The following CNTN5 variants were observed in gnomAD, a reference collection of about 807,000 sequenced individuals.
CNTN5 encodes contactin-5.
In CNTN5, 77 loss-of-function variants were observed where a neutral mutation model predicts 129.1. The observed-to-expected ratio is 0.60, with a 90% CI of 0.50 to 0.72. CNTN5 has a LOEUF of 0.72. Ranked by LOEUF, CNTN5 falls within the 30% of genes least tolerant of loss-of-function variation. CNTN5 has a pLI of 0.00. For missense variants in CNTN5, 1,478 were observed against 1,328.8 expected (o/e 1.11, Z -1.75); for synonymous variants, 509 against 465.6 (o/e 1.09, Z -1.20).
intron 1 of CNTN5, among the ~76,000 whole-genome samples, chr11:99,146,030 A>G (rs987584360): frequency 2.6e-5 from 4 of 152,136 alleles, no homozygotes; most frequent in African/African-American, 9.7e-5. Flanking sequence ...TACACAGTGT[A>G]AGTTTATTTT....
At chr11:99,905,857 T>A (rs958280422) in intron 6 of CNTN5, among the ~76,000 whole-genome samples, 17 of 152,260 alleles carry the variant, frequency 1.1e-4, no homozygotes, top group Admixed American at 5.2e-4. Flanking sequence ...GTCCTTCACA[T>A]CCCTTGTGAG....
chr11:99,432,045 G>A (rs1056312597), intron 2 of CNTN5, among the ~76,000 whole-genome samples: 50 of 152,210 alleles, frequency 3.3e-4, no homozygotes, highest in African/African-American at 1.2e-3. Flanking sequence ...TTAGGTGAGA[G>A]TAGCTGCCTT....
chr11:99,900,015 G>A (rs796206658), intron 6 of CNTN5, among the ~76,000 whole-genome samples: 19 of 151,564 alleles, frequency 1.3e-4, no homozygotes, highest in Non-Finnish European at 2.5e-4. Context: ...TCTAGCTTGC[G>A]TTCATAAAGG....
chr11:99,262,441 C>T (rs921685549), intron 1 of CNTN5, among the ~76,000 whole-genome samples: 3 of 152,112 alleles, frequency 2.0e-5, no homozygotes, highest in Admixed American at 2.0e-4. Context: ...TCTACGGGAA[C>T]TTCTTCCCAT....
intron 9 of CNTN5, among the ~76,000 whole-genome samples, chr11:100,037,987 A>C: frequency 6.6e-6 from 1 of 151,672 alleles, no homozygotes; most frequent in African/African-American, 2.4e-5. Context: ...CTCTGATCTT[A>C]GTTATATCTT....
chr11:100,035,102 C>T (rs563939637), intron 9 of CNTN5, among the ~76,000 whole-genome samples: 4 of 152,116 alleles, frequency 2.6e-5, no homozygotes, highest in Non-Finnish European at 5.9e-5. Context: ...GGTATACCTC[C>T]TAATGCTATC....
At chr11:99,998,981 C>G (rs1008224396) in intron 8 of CNTN5, among the ~76,000 whole-genome samples, 1 of 151,922 alleles carries the variant, frequency 6.6e-6, no homozygotes, top group African/African-American at 2.4e-5. Flanking sequence ...GGATCCCTTC[C>G]TTACACCTTA....
At chr11:99,932,290 T>C (rs554328615) in intron 7 of CNTN5, among the ~76,000 whole-genome samples, 1 of 152,322 alleles carries the variant, frequency 6.6e-6, no homozygotes, top group Admixed American at 6.5e-5. Flanking sequence ...CCTCCCGGGT[T>C]CCAGCAATTC....
At chr11:99,264,451 G>A (rs1402392744) in intron 1 of CNTN5, among the ~76,000 whole-genome samples, 7 of 151,886 alleles carry the variant, frequency 4.6e-5, no homozygotes, top group African/African-American at 1.2e-4. Context: ...TACCATCCTC[G>A]GATTGTGAGA....
intron 2 of CNTN5, among the ~76,000 whole-genome samples, chr11:99,341,770 C>T (rs1866524542): frequency 6.6e-6 from 1 of 152,176 alleles, no homozygotes; most frequent in African/African-American, 2.4e-5. Flanking sequence ...TAATCAGTCT[C>T]TGTTAAGTTA....
chr11:99,654,648 T>C (rs1371955192), intron 3 of CNTN5, among the ~76,000 whole-genome samples: 1 of 152,112 alleles, frequency 6.6e-6, no homozygotes, highest in Admixed American at 6.6e-5. Context: ...TTGCTTATTA[T>C]GTAAGCAATT....
intron 3 of CNTN5, among the ~76,000 whole-genome samples, chr11:99,640,177 C>T (rs944335544): frequency 1.3e-5 from 2 of 152,142 alleles, no homozygotes; most frequent in African/African-American, 4.8e-5. Context: ...CAAACTGTTC[C>T]CAGTTCTGCC....
At chr11:99,200,833 G>A (rs1859134214) in intron 1 of CNTN5, among the ~76,000 whole-genome samples, 1 of 152,018 alleles carries the variant, frequency 6.6e-6, no homozygotes, top group African/African-American at 2.4e-5. Flanking sequence ...TGATTAGCTA[G>A]ATAATATACC....
At chr11:99,199,775 G>A (rs777379006) in intron 1 of CNTN5, among the ~76,000 whole-genome samples, 3 of 152,156 alleles carry the variant, frequency 2.0e-5, no homozygotes, top group Non-Finnish European at 4.4e-5. Context: ...ACAATGGGGT[G>A]GAGAAATACA....
chr11:100,229,227 CAT>C lies in CNTN5; in HGVS notation c.2005+4416_2005+4417del, dbSNP rs1754567597. Among the ~76,000 whole-genome samples, 3 of 152,112 alleles carry C rather than the reference CAT, an allele frequency of 2.0e-5. No individual in the cohort carries two copies. The South Asian group carries it at 6.2e-4, about 31-fold the overall frequency. ...CACACACAAAATATTTATTTTACCCCATGAGTCATATGTTGAAAGATTTTGTT... is the reference window on the plus strand; with the variant it reads ...CACACACAAAATATTTATTTTACCCCGAGTCATATGTTGAAAGATTTTGTT... On this transcript the variant is annotated intron_variant, in intron 16 of 24. Transcript: ENST00000524871.
intron 2 of CNTN5, among the ~76,000 whole-genome samples, chr11:99,493,589 A>G (rs906503100): frequency 2.6e-5 from 4 of 152,062 alleles, no homozygotes; most frequent in Non-Finnish European, 4.4e-5. Context: ...CAGTGACTCA[A>G]ACAAATTCCG....
Position 100,002,062 on chromosome 11 carries a change from T to C in CNTN5, c.906T>C (p.Ile302=). 2 of 1,598,476 alleles carry C rather than the reference T, an allele frequency of 1.3e-6. No individual in the cohort carries two copies. The highest frequency in any genetic ancestry group is 1.7e-6 in the Non-Finnish European group (2 of 1,175,310). ...DGVMGEYEPK[I]EVHFPFTVTA... ...TGATGGGAGAATATGAGCCGAAAAT[T>C]GAGGTCCATTTTCCTTTCACGGTTA... The change falls in exon 9 of 25, where the codon ATT becomes ATC. Residue 302 remains isoleucine, a synonymous_variant. Coordinates refer to ENST00000524871, the MANE Select transcript of CNTN5 (RefSeq NM_014361.4).
intron 7 of CNTN5, among the ~76,000 whole-genome samples, chr11:99,925,101 A>G (rs1277774304): frequency 1.3e-5 from 2 of 152,192 alleles, no homozygotes; most frequent in East Asian, 3.9e-4. Flanking sequence ...TCACTTAAAT[A>G]TGCTCTCCAA....
intron 15 of CNTN5, among the ~76,000 whole-genome samples, chr11:100,194,056 GTTTC>G (rs1948571999): frequency 1.3e-5 from 2 of 152,006 alleles, no homozygotes; most frequent in African/African-American, 4.8e-5. Flanking sequence ...AATTTTTGGA[GTTTC>G]TTTAATTTTT....
Sources: allele counts gnomAD v4.1 joint callset (sites outside exome capture counted in the v4.1 genomes callset), GRCh38; gene constraint gnomAD v4.1.1; transcripts MANE v1.5; gene names NCBI Gene and HGNC (gene_info 2026-07-23, HGNC 2026-07-21).